The following PTPRF variants were observed in gnomAD, a reference collection of about 807,000 sequenced individuals.
PTPRF encodes the protein protein tyrosine phosphatase receptor type F, also known as receptor-type tyrosine-protein phosphatase F.
Under a neutral mutation model 201.8 loss-of-function variants are expected in PTPRF, and 59 were observed. The ratio of observed to expected loss-of-function variants is 0.29; its 90% CI spans 0.24 to 0.36. The LOEUF (loss-of-function observed/expected upper bound fraction) is 0.36, where lower values mean the gene tolerates loss of function less well. Ranked by LOEUF, PTPRF falls within the 10% of genes least tolerant of loss-of-function variation. PTPRF has a pLI of 1.00. For synonymous variants in PTPRF, 1,088 were observed against 1,089.7 expected (o/e 1.00, Z 0.03); for missense variants, 2,132 against 2,690.5 (o/e 0.79, Z 4.59).
Position 43,537,038 on chromosome 1 carries a change from A to T in PTPRF, c.-125-1160A>T, listed in dbSNP as rs1438853642. On this transcript the variant is annotated intron_variant, in intron 1 of 33. Transcript: ENST00000359947. The surrounding 1 kb of genome is among the most constrained non-coding windows in gnomAD (Gnocchi z 4.8). ...GTGGTTTCTTTGTGTCCGTTATAGG[A>T]GGAGCCAAGGTGGCAGAGTGGTGTG... Among the ~76,000 whole-genome samples the T allele has an allele frequency of 2.0e-5, 3 of 152,162 alleles. No individual in the cohort carries two copies. Among genetic ancestry groups the T allele is most frequent in the Non-Finnish European group, 2.9e-5 (2 of 68,026 alleles).
chr1:43,612,660 T>G (rs2154030034), intron 22 of PTPRF: 26 of 1,020,540 alleles, frequency 2.5e-5, no homozygotes, highest in Non-Finnish European at 3.5e-5. Flanking sequence ...GCAAGCCCGC[T>G]CGGCACCTCC....
intron 7 of PTPRF, chr1:43,579,616 C>G: frequency 1.1e-5 from 3 of 266,010 alleles, no homozygotes; most frequent in Non-Finnish European, 2.2e-5. Flanking sequence ...GGTTTCCAAT[C>G]TCTGCTATGC....
intron 23 of PTPRF, among the ~76,000 whole-genome samples, chr1:43,614,245 G>A (rs1191737049): frequency 6.6e-6 from 1 of 152,262 alleles, no homozygotes; most frequent in Non-Finnish European, 1.5e-5. Flanking sequence ...CTGATGAGTA[G>A]TGGAGCCAGG....
At chr1:43,526,429 T>C (rs1643112028), upstream of PTPRF, among the ~76,000 whole-genome samples, 1 of 151,796 alleles carries the variant, frequency 6.6e-6, no homozygotes. Flanking sequence ...ATTTTGTCCC[T>C]ACAAAAAAAA....
chr1:43,601,943 A>G (rs2154023500), intron 13 of PTPRF, 128 bp from the exon 14 acceptor site: 1 of 1,046,962 alleles, frequency 9.6e-7, no homozygotes, highest in African/African-American at 1.6e-5. Flanking sequence ...TGCTACCCCC[A>G]TGGGTACTTT....
upstream of PTPRF, among the ~76,000 whole-genome samples, chr1:43,523,863 C>T (rs138252305): frequency 3.7e-3 from 542 of 148,298 alleles, 5 homozygotes; most frequent in African/African-American, 0.013. Flanking sequence ...GCCTGGCCAA[C>T]ATGGCGAATC....
chr1:43,586,219 G>A (rs757117920), intron 7 of PTPRF, among the ~76,000 whole-genome samples: 1 of 152,218 alleles, frequency 6.6e-6, no homozygotes, highest in Non-Finnish European at 1.5e-5. Flanking sequence ...ATGAAGAGGA[G>A]GAGACAGGGC....
rs1398568292 is a variant in PTPRF, at chr1:43,537,268, C to T, written c.-125-930C>T. Among the ~76,000 whole-genome samples, 6 of 152,192 alleles carry T rather than the reference C, an allele frequency of 3.9e-5. No homozygotes were observed. The highest frequency in any genetic ancestry group is 2.1e-4 in the South Asian group (1 of 4,826). On this transcript the variant is annotated intron_variant, in intron 1 of 33. Transcript: ENST00000359947. This position sits in a 1 kb window ranked among gnomAD's most constrained non-coding sequence, Gnocchi z 4.8. ...CTAGAAGGAAGGGGCTGGGCTCTGT[C>T]GCTGCATGTGTGCCAGCGGAGGAGG...
chr1:43,584,418 T>C (rs2154003607), intron 7 of PTPRF, among the ~76,000 whole-genome samples: 1 of 152,320 alleles, frequency 6.6e-6, no homozygotes, highest in East Asian at 1.9e-4. Context: ...GGCATTTCTG[T>C]TACACCATTT....
intron 21 of PTPRF, 63 bp downstream of exon 21, chr1:43,607,031 G>T: frequency 1.3e-6 from 2 of 1,583,662 alleles, no homozygotes; most frequent in East Asian, 2.2e-5. Flanking sequence ...GGCCCTCTCC[G>T]GGTGTGGTGC....
intron 5 of PTPRF, among the ~76,000 whole-genome samples, chr1:43,566,171 G>T (rs1042084915): frequency 6.6e-6 from 1 of 152,154 alleles, no homozygotes; most frequent in African/African-American, 2.4e-5. Context: ...TCTCGCGCGC[G>T]GGGTGTTCAC....
chr1:43,563,558 G>C (rs1645955630), intron 5 of PTPRF, among the ~76,000 whole-genome samples: 1 of 152,208 alleles, frequency 6.6e-6, no homozygotes, highest in African/African-American at 2.4e-5. Context: ...TGAGAGACTG[G>C]AGGGAAACTG....
At position 43,621,803 on chromosome 1, in the gene PTPRF, A is replaced by T. The variant is rs1194588037; in HGVS notation, c.5656-132A>T. The T allele has an allele frequency of 2.4e-5, 20 of 819,348 alleles. No homozygotes were observed. In the South Asian group the frequency reaches 2.7e-4, roughly 11 times the overall value. 50.8% of individuals were successfully genotyped at this position (819,348 alleles called of 1,614,324 possible). On this transcript the variant is annotated intron_variant, in intron 33 of 33. Coordinates refer to ENST00000359947, the MANE Select transcript of PTPRF (RefSeq NM_002840.5). The stretch of plus-strand genomic sequence containing the variant: ...TTCAGGCTCCCCCGCACACTGCCTG[A>T]TGTAGCTGCCAGGGTCCAGCACCTG...
At chr1:43,613,345 A>G in intron 22 of PTPRF, 1 of 415,680 alleles carries the variant, frequency 2.4e-6, no homozygotes, top group South Asian at 2.4e-5. Flanking sequence ...CCTCTCTTCC[A>G]TCTTGAGAGA....
Position 43,621,172 on chromosome 1 carries a change from C to A in PTPRF, c.5595C>A (p.Val1865=), listed in dbSNP as rs753391620. The A allele has an allele frequency of 5.0e-6, 8 of 1,614,010 alleles. No individual in the cohort carries two copies. The African/African-American group carries it at 1.1e-4, about 22-fold the overall frequency. The change falls in exon 33 of 34, where the codon GTC becomes GTA. Residue 1865 remains valine, a synonymous_variant. Coordinates refer to ENST00000359947, the MANE Select transcript of PTPRF (RefSeq NM_002840.5). ...VLERMRYEGV[V]DMFQTVKTLR... ...AGCGCATGCGCTACGAGGGCGTGGTCGACATGTTTCAGACCGTGAAGACCC... is the reference window on the plus strand; with the variant it reads ...AGCGCATGCGCTACGAGGGCGTGGTAGACATGTTTCAGACCGTGAAGACCC...
chr1:43,621,888 G>A (rs756484939), intron 33 of PTPRF, 47 bp from the exon 34 acceptor site: 45 of 1,570,688 alleles, frequency 2.9e-5, no homozygotes, highest in Non-Finnish European at 3.8e-5. Context: ...GTGTAGTGGG[G>A]GTGTCCACTG....
intron 11 of PTPRF, among the ~76,000 whole-genome samples, chr1:43,594,971 G>T (rs1321868625): frequency 1.3e-5 from 2 of 152,192 alleles, no homozygotes; most frequent in Non-Finnish European, 2.9e-5. Context: ...TAGACGAGAT[G>T]CTGCTGAGCG....
intron 22 of PTPRF, chr1:43,612,640 C>A: frequency 1.3e-6 from 1 of 756,870 alleles, no homozygotes; most frequent in Non-Finnish European, 2.0e-6. Flanking sequence ...CTCTTCTCCG[C>A]CAGCCCCTCG....
intron 14 of PTPRF, 91 bp downstream of exon 14, chr1:43,602,188 A>G (rs12023161): frequency 0.4 from 588,342 of 1,472,460 alleles, 119,145 homozygotes; most frequent in East Asian, 0.52. Flanking sequence ...GCTAGCCTGC[A>G]CTGCCAAGAT....
Sources: gnomAD v4.1 joint callset for allele counts (sites outside exome capture counted in the v4.1 genomes callset) on GRCh38, gnomAD v4.1.1 for gene constraint, Gnocchi (gnomAD v3.1) non-coding constraint, MANE v1.5 for transcripts, NCBI Gene and HGNC (gene_info 2026-07-23, HGNC 2026-07-21) for gene names.